Variants in USP9X observed in about 807,000 individuals in gnomAD.
USP9X encodes the protein ubiquitin carboxyl-terminal hydrolase 9X.
A neutral mutation model predicts 190.3 loss-of-function variants in USP9X; 7 were observed. That is an observed-to-expected ratio of 0.04 (90% CI 0.02 to 0.07). The LOEUF is 0.07. Among genes scored for constraint, USP9X ranks in the 10% least tolerant of loss-of-function variants. The probability of loss-of-function intolerance (pLI) is 1.00; values close to 1 mark genes in which losing one functional copy is unlikely to be tolerated. For missense variants in USP9X, 1,010 were observed against 1,916.9 expected (o/e 0.53, Z 8.83); for synonymous variants, 645 against 659.5 (o/e 0.98, Z 0.34).
intron 21 of USP9X, among the ~76,000 whole-genome samples, chrX:41,173,645 T>TAA (rs2062747868): frequency 8.9e-6 from 1 of 112,025 alleles, no homozygotes. Context: ...GCAGACTCTA[T>TAA]TGAGTGTTTT....
At position 41,193,974 on chromosome X, in the gene USP9X, T is replaced by C. The variant is rs2062960230; in HGVS notation, c.3978-2277T>C. On this transcript the variant is annotated intron_variant, in intron 26 of 44. Transcript: ENST00000378308. Reference sequence around the variant, plus strand: ...ATCAACTTTTTATTGCCCCTCATATTTGGGCTGTATACCTAGCTTATTGAA... The same window carrying C: ...ATCAACTTTTTATTGCCCCTCATATCTGGGCTGTATACCTAGCTTATTGAA... Among the ~76,000 whole-genome samples the C allele has an allele frequency of 2.7e-5, 3 of 112,200 alleles. No homozygotes were observed. In the Admixed American group the frequency reaches 2.8e-4, roughly 11 times the overall value.
Position 41,216,303 on chromosome X carries a change from T to C in USP9X, c.5736T>C (p.Asp1912=), listed in dbSNP as rs755940108. 18 of 1,211,704 alleles carry C rather than the reference T, an allele frequency of 1.5e-5. No individual in the cohort carries two copies. Among genetic ancestry groups the C allele is most frequent in the Non-Finnish European group, 2.0e-5 (18 of 895,529 alleles). ...ATGTAACAGAATGTAAAATGGATGATGACGAAGAAATGAAAAACCAGTGTT... is the reference window on the plus strand; with the variant it reads ...ATGTAACAGAATGTAAAATGGATGACGACGAAGAAATGAAAAACCAGTGTT... ...DGDVTECKMD[D]DEEMKNQCFG... is the part of the protein sequence containing the mutation. Residue 1912 remains aspartate (D), a synonymous_variant, in exon 35 of 45, where the codon GAT becomes GAC. Transcript: ENST00000378308.
intron 18 of USP9X, 32 bp downstream of exon 18, chrX:41,168,250 T>A (rs1332677607): frequency 9.2e-7 from 1 of 1,087,257 alleles, no homozygotes; most frequent in Non-Finnish European, 1.2e-6. Flanking sequence ...TGGTGCTAAT[T>A]CTTAATTATT....
chrX:41,090,640 A>G (rs1332575005), intron 1 of USP9X, among the ~76,000 whole-genome samples: 1 of 112,214 alleles, frequency 8.9e-6, no homozygotes, highest in African/African-American at 3.2e-5. Flanking sequence ...TTTGCTCTAT[A>G]GGTGAGTCTG....
At chrX:41,120,334 G>T (rs2062180523) in intron 1 of USP9X, among the ~76,000 whole-genome samples, 1 of 112,027 alleles carries the variant, frequency 8.9e-6, no homozygotes, top group Admixed American at 9.5e-5. Context: ...CATTTGTAAG[G>T]ATTACGGTGC....
At chrX:41,149,492 T>C (rs2062501959) in intron 12 of USP9X, among the ~76,000 whole-genome samples, 1 of 110,112 alleles carries the variant, frequency 9.1e-6, no homozygotes, top group South Asian at 3.9e-4. Flanking sequence ...ATTTTCCAAC[T>C]GTCACCTTTT....
chrX:41,095,366 G>T (rs994045122), intron 1 of USP9X, among the ~76,000 whole-genome samples: 2 of 111,754 alleles, frequency 1.8e-5, no homozygotes, highest in Non-Finnish European at 1.9e-5. Context: ...ATCAGGCAGG[G>T]TTTTTTAACC....
chrX:41,100,180 T>TA (rs1190695749), intron 1 of USP9X, among the ~76,000 whole-genome samples: 5 of 112,515 alleles, frequency 4.4e-5, no homozygotes, highest in Non-Finnish European at 9.4e-5. Context: ...AGTTCTTACA[T>TA]ATTCTCTCAT....
chrX:41,184,735 CTAAT>C, intron 23 of USP9X, 60 bp downstream of exon 23: 3 of 982,373 alleles, frequency 3.1e-6, no homozygotes. Flanking sequence ...TAAAGTAAAA[CTAAT>C]TAGTATTTTA....
At chrX:41,196,493 G>A (rs754232191) in intron 27 of USP9X, 99 bp from the exon 28 acceptor site, 139 of 1,089,917 alleles carry the variant, frequency 1.3e-4, no homozygotes, top group East Asian at 4.8e-4. Context: ...TTTATTTCCC[G>A]CACTGTGGTA....
chrX:41,090,333 T>G (rs2061946310), intron 1 of USP9X, among the ~76,000 whole-genome samples: 1 of 111,848 alleles, frequency 8.9e-6, no homozygotes, highest in Non-Finnish European at 1.9e-5. Flanking sequence ...CTTCTAACAC[T>G]TACCTATATT....
intron 2 of USP9X, among the ~76,000 whole-genome samples, chrX:41,125,684 A>ACACACACACACACTCTCTCTCTCTCT: frequency 4.2e-4 from 8 of 19,017 alleles, no homozygotes; most frequent in African/African-American, 1.1e-3. Context: ...ACACACACAC[A>ACACACACACACACTCTCTCTCTCTCT]CTCTCTCTCT....
Position 41,235,889 on chromosome X carries a change from G to C in USP9X, c.*3365G>C, listed in dbSNP as rs753465954. The stretch of plus-strand genomic sequence containing the variant: ...GAGGAGACTTTTTTGACTTACATTT[G>C]TAAATGAAAACAAGTCTGTGAATAT... On this transcript the variant is annotated 3_prime_UTR_variant, in exon 45 of 45. Coordinates refer to ENST00000378308, the MANE Select transcript of USP9X (RefSeq NM_001039591.3). 1 of 111,900 alleles carries C rather than the reference G, an allele frequency of 8.9e-6. No homozygotes were observed. The highest frequency in any genetic ancestry group is 1.9e-5 in the Non-Finnish European group (1 of 53,071). 9.2% of individuals were successfully genotyped at this position (111,900 alleles called of 1,213,427 possible).
In USP9X at chrX:41,152,951, A is replaced by C; in HGVS notation, c.1767A>C (p.Gln589His). The C allele has an allele frequency of 8.3e-7, 1 of 1,207,735 alleles. No homozygotes were observed. Among genetic ancestry groups the C allele is most frequent in the Non-Finnish European group, 1.1e-6 (1 of 893,580 alleles). The change falls in exon 14 of 45, where the codon CAA becomes CAC. Residue 589 changes from glutamine (Q) to histidine (H), a missense_variant. This residue lies in a region of USP9X where 104 missense variants were observed against 239.8 expected (regional missense o/e 0.43). Coordinates refer to ENST00000378308, the MANE Select transcript of USP9X (RefSeq NM_001039591.3). ...TGTTAAGTTCTTCTCGTTTCAGTCA[A>C]ACTCAGCGAAGTCCCCATGTGTTTT... is the stretch of plus-strand genomic sequence containing the variant. ...LFGEAPQNLS[Q>H]TQRSPHVFYR...
At chrX:41,228,804 A>G (rs2063336723) in intron 41 of USP9X, among the ~76,000 whole-genome samples, 1 of 111,989 alleles carries the variant, frequency 8.9e-6, no homozygotes, top group Non-Finnish European at 1.9e-5. Flanking sequence ...CTCTGTGCCA[A>G]TTTTCTCACC....
At chrX:41,208,733 A>T (rs1475421175) in intron 32 of USP9X, among the ~76,000 whole-genome samples, 1 of 108,183 alleles carries the variant, frequency 9.2e-6, no homozygotes, top group Non-Finnish European at 1.9e-5. Flanking sequence ...TTTGAGATGG[A>T]GTCTCGCTCT....
chrX:41,143,500 AAGAAATAC>A, intron 10 of USP9X, 57 bp downstream of exon 10: 1 of 1,038,832 alleles, frequency 9.6e-7, no homozygotes, highest in Middle Eastern at 2.8e-4. Context: ...CTAAAAACTG[AAGAAATAC>A]AGTAGCTGTC....
At chrX:41,187,038 G>C (rs1168419229) in intron 24 of USP9X, among the ~76,000 whole-genome samples, 1 of 100,257 alleles carries the variant, frequency 1.0e-5, no homozygotes, top group African/African-American at 3.7e-5. Flanking sequence ...TCATGATGTT[G>C]GCCAGGCTGG....
At chrX:41,190,422 T>C (rs1439908450) in intron 26 of USP9X, among the ~76,000 whole-genome samples, 1 of 110,659 alleles carries the variant, frequency 9.0e-6, no homozygotes, top group Non-Finnish European at 1.9e-5. Context: ...TTTGAAGAAA[T>C]CCAGTCCAGC....
Sources: gnomAD v4.1 joint callset for allele counts (sites outside exome capture counted in the v4.1 genomes callset) on GRCh38, gnomAD v4.1.1 for gene constraint, gnomAD v4.1.1 regional missense constraint, MANE v1.5 for transcripts, NCBI Gene and HGNC (gene_info 2026-07-23, HGNC 2026-07-21) for gene names.